SOX6: variants seen among roughly 807,000 people sequenced by gnomAD.
SOX6 encodes the protein SRY-box transcription factor 6.
In SOX6, 11 loss-of-function variants were observed where a neutral mutation model predicts 97.8. That is an observed-to-expected ratio of 0.11 (90% CI 0.07 to 0.19). The LOEUF is 0.19. Among genes scored for constraint, SOX6 ranks in the 10% least tolerant of loss-of-function variants. The pLI, the probability that SOX6 is intolerant of heterozygous loss-of-function variation, is 1.00. For synonymous variants in SOX6, 360 were observed against 371.4 expected, an observed-to-expected ratio of 0.97 and a Z score of 0.35; for missense variants, 810 against 1,039.5, an observed-to-expected ratio of 0.78 and a Z score of 3.04.
Position 16,526,185 on chromosome 11 carries a change from A to G in SOX6, n.610-49797T>C, listed in dbSNP as rs143714982. Among the ~76,000 whole-genome samples, 1,134 of 152,190 alleles carry G rather than the reference A, an allele frequency of 7.5e-3. 3 individuals carry two copies. Among genetic ancestry groups the G allele is most frequent in the Non-Finnish European group, 0.011 (772 of 68,016 alleles). ...TGCTGCTATAAAGACACATGCACACATATGTTTCTTGCGGCACTATTCACA... is the reference window on the plus strand; with the variant it reads ...TGCTGCTATAAAGACACATGCACACGTATGTTTCTTGCGGCACTATTCACA... On this transcript the variant is annotated intron_variant and non_coding_transcript_variant, in intron 4 of 5. Coordinates refer to the SOX6 transcript ENST00000524520.
intron 3 of SOX6, among the ~76,000 whole-genome samples, chr11:16,251,820 T>A (rs1853521105): frequency 6.6e-6 from 1 of 152,066 alleles, no homozygotes; most frequent in South Asian, 2.1e-4. Context: ...AATTAGCAAA[T>A]ATAATCTGAC....
chr11:16,274,417 ATATC>A (rs1333848600), intron 3 of SOX6, among the ~76,000 whole-genome samples: 6 of 152,112 alleles, frequency 3.9e-5, no homozygotes, highest in Non-Finnish European at 7.4e-5. Flanking sequence ...TGTAAGAATG[ATATC>A]TATCTAATAT....
At chr11:16,544,659 C>T (rs975468143) in intron 4 of SOX6, among the ~76,000 whole-genome samples, 1 of 151,992 alleles carries the variant, frequency 6.6e-6, no homozygotes. Context: ...CTGAATTATG[C>T]ATTTTAAATT....
chr11:16,339,133 G>A (rs1837158498), intron 2 of SOX6, among the ~76,000 whole-genome samples: 1 of 151,928 alleles, frequency 6.6e-6, no homozygotes, highest in Non-Finnish European at 1.5e-5. Flanking sequence ...CTAGACTTCT[G>A]AAATAGACTC....
rs1159986306 is a variant in SOX6 at position 16,132,477 on chromosome 11, A to C, written c.778-20554T>G. 2.1e-4 allele frequency among the ~76,000 whole-genome samples: 31 copies of C among 145,960 alleles called. 3 individuals are homozygous for C. Among genetic ancestry groups the C allele is most frequent in the African/African-American group, 7.4e-4 (29 of 39,298 alleles). ...GAAAGAAAGAAAGAAAGAAAGAAAG[A>C]AAGAAAGAAAGAAAGAAAGAAAGAA... On this transcript the variant is annotated intron_variant, in intron 6 of 15. Coordinates refer to ENST00000683767, the MANE Select transcript of SOX6 (RefSeq NM_001367873.1).
Position 16,341,139 on chromosome 11 carries a change from A to C in SOX6, c.110T>G (p.Val37Gly), listed in dbSNP as rs1856618089. 2 of 1,613,598 alleles carry C rather than the reference A, an allele frequency of 1.2e-6. No individual in the cohort carries two copies. Among genetic ancestry groups the C allele is most frequent in the Non-Finnish European group, 8.5e-7 (1 of 1,179,622 alleles). ...REKEEGSDQHVASHLPLHPIM... is the reference protein window; with the variant it reads ...REKEEGSDQHGASHLPLHPIM... ...GGGGTGCAGAGGCAGATGGGAGGCC[A>C]CATGTTGATCACTGCCCTCTTCCTT... The change falls in exon 2 of 16, where the codon GTG becomes GGG. Residue 37 changes from valine (V) to glycine (G), a missense_variant. Transcript: ENST00000683767.
intron 4 of SOX6, among the ~76,000 whole-genome samples, chr11:16,568,038 T>C (rs561835424): frequency 6.6e-6 from 1 of 152,168 alleles, no homozygotes; most frequent in African/African-American, 2.4e-5. Flanking sequence ...CGCTTTCTGA[T>C]GGTTTATGTA....
At chr11:16,469,814 A>C (rs1860107420) in intron 1 of SOX6, among the ~76,000 whole-genome samples, 1 of 152,096 alleles carries the variant, frequency 6.6e-6, no homozygotes, top group Non-Finnish European at 1.5e-5. Flanking sequence ...GCACTATTAA[A>C]AATATTTTTT....
intron 3 of SOX6, among the ~76,000 whole-genome samples, chr11:16,269,241 G>A (rs1854173438): frequency 8.7e-6 from 1 of 115,576 alleles, no homozygotes; most frequent in Non-Finnish European, 1.9e-5. Context: ...ACATATTTGG[G>A]TTTAATTATG....
chr11:16,111,225 AT>A (rs1479362681), intron 7 of SOX6, among the ~76,000 whole-genome samples: 1 of 152,184 alleles, frequency 6.6e-6, no homozygotes, highest in African/African-American at 2.4e-5. Flanking sequence ...AAATCACAAC[AT>A]TTGCTAAATC....
At chr11:16,725,059 C>T (rs1031766642) in intron 2 of SOX6, among the ~76,000 whole-genome samples, 1 of 152,172 alleles carries the variant, frequency 6.6e-6, no homozygotes, top group Non-Finnish European at 1.5e-5. Context: ...ATCTCTTCTA[C>T]ACAAATGTTC....
intron 4 of SOX6, among the ~76,000 whole-genome samples, chr11:16,515,398 GT>G (rs1220286032): frequency 6.8e-6 from 1 of 147,210 alleles, no homozygotes; most frequent in Admixed American, 6.8e-5. Flanking sequence ...GGGGTTGTTT[GT>G]TTTTTTCTTG....
chr11:16,001,578 C>T (rs1012815307), intron 13 of SOX6, among the ~76,000 whole-genome samples: 2 of 152,102 alleles, frequency 1.3e-5, no homozygotes, highest in Non-Finnish European at 2.9e-5. Context: ...ATTTCAAAGC[C>T]CACCATTTCT....
chr11:16,427,410 C>A (rs965212807), intron 1 of SOX6, among the ~76,000 whole-genome samples: 7 of 151,490 alleles, frequency 4.6e-5, no homozygotes, highest in African/African-American at 7.3e-5. Flanking sequence ...TACATGTGCC[C>A]TGTTGGTGTG....
chr11:16,226,397 C>T (rs1852691725), intron 4 of SOX6, among the ~76,000 whole-genome samples: 1 of 151,612 alleles, frequency 6.6e-6, no homozygotes, highest in South Asian at 2.1e-4. Flanking sequence ...ACAGTTTGTG[C>T]TAACTCAAAC....
At chr11:16,293,214 T>C (rs572838322) in intron 3 of SOX6, among the ~76,000 whole-genome samples, 1 of 152,244 alleles carries the variant, frequency 6.6e-6, no homozygotes, top group African/African-American at 2.4e-5. Flanking sequence ...CTGAATAATA[T>C]GAGAAAGTTT....
chr11:16,556,503 G>T (rs1847750603), intron 4 of SOX6, among the ~76,000 whole-genome samples: 1 of 151,626 alleles, frequency 6.6e-6, no homozygotes, highest in East Asian at 1.9e-4. Context: ...CCTCTTTATA[G>T]AAATAGTTCA....
intron 3 of SOX6, among the ~76,000 whole-genome samples, chr11:16,294,772 A>G (rs1000563937): frequency 1.3e-5 from 2 of 152,088 alleles, no homozygotes; most frequent in African/African-American, 4.8e-5. Context: ...CATAACCTCC[A>G]TAGCTTATTA....
At chr11:16,524,972 AAATAAAAG>A (rs1861132732) in intron 4 of SOX6, among the ~76,000 whole-genome samples, 1 of 152,188 alleles carries the variant, frequency 6.6e-6, no homozygotes, top group Non-Finnish European at 1.5e-5. Context: ...CTGCTCAATG[AAATAAAAG>A]AGGATACAAA....
Sources: allele counts gnomAD v4.1 joint callset (sites outside exome capture counted in the v4.1 genomes callset), GRCh38; gene constraint gnomAD v4.1.1; transcripts MANE v1.5; gene names NCBI Gene and HGNC (gene_info 2026-07-23, HGNC 2026-07-21).